Variants in TMEM135 observed in about 807,000 individuals in gnomAD.
TMEM135 encodes peroxisomal membrane protein 52.
A neutral mutation model predicts 60.3 loss-of-function variants in TMEM135; 30 were observed. The observed-to-expected ratio is 0.50, with a 90% CI of 0.37 to 0.68. The LOEUF (loss-of-function observed/expected upper bound fraction) is 0.68. Ranked by LOEUF, TMEM135 falls within the 30% of genes least tolerant of loss-of-function variation. The pLI, the probability that TMEM135 is intolerant of heterozygous loss-of-function variation, is 0.00. For missense variants in TMEM135, 468 were observed against 548.8 expected (o/e 0.85, Z 1.47); for synonymous variants, 190 against 186.7 (o/e 1.02, Z -0.14).
intron 1 of TMEM135, among the ~76,000 whole-genome samples, chr11:87,059,636 C>A (rs1949927143): frequency 6.6e-6 from 1 of 152,092 alleles, no homozygotes; most frequent in Non-Finnish European, 1.5e-5. Context: ...ACTCTGATTA[C>A]CAGAGAGGAA....
At chr11:87,259,643 CCAT>C (rs1254133282) in intron 6 of TMEM135, among the ~76,000 whole-genome samples, 1 of 152,150 alleles carries the variant, frequency 6.6e-6, no homozygotes, top group African/African-American at 2.4e-5. Flanking sequence ...AGAAAGTACA[CCAT>C]CGATATACAA....
intron 1 of TMEM135, among the ~76,000 whole-genome samples, chr11:87,061,125 C>G (rs1370363628): frequency 6.6e-6 from 1 of 152,004 alleles, no homozygotes; most frequent in East Asian, 1.9e-4. Context: ...TAGGATGGTG[C>G]CTGGCACAAG....
chr11:87,210,146 A>G lies in TMEM135; in HGVS notation c.463-26492A>G, dbSNP rs498407. ...AGAGCACACCAACCCCAAAGCTAGCAGAAGAAAATAACCTAAATTAGAGCT... is the reference window on the plus strand; with the variant it reads ...AGAGCACACCAACCCCAAAGCTAGCGGAAGAAAATAACCTAAATTAGAGCT... On this transcript the variant is annotated intron_variant, in intron 5 of 14. Coordinates refer to ENST00000305494, the MANE Select transcript of TMEM135 (RefSeq NM_022918.4). Among the ~76,000 whole-genome samples, 495 of 152,264 alleles carry G rather than the reference A, an allele frequency of 3.3e-3. 6 individuals are homozygous for G. The East Asian group carries it at 0.033, about 10-fold the overall frequency.
At chr11:87,176,660 A>C (rs1939377059) in intron 5 of TMEM135, among the ~76,000 whole-genome samples, 2 of 152,122 alleles carry the variant, frequency 1.3e-5, no homozygotes, top group South Asian at 4.1e-4. Context: ...CATGGGAAAG[A>C]TTGTTAAGGT....
At chr11:87,304,856 A>AAG (rs1455153642) in intron 8 of TMEM135, among the ~76,000 whole-genome samples, 1 of 152,044 alleles carries the variant, frequency 6.6e-6, no homozygotes. Context: ...TGAACCCTCA[A>AAG]AGAGAGAGAG....
chr11:87,227,959 T>C (rs1239279996), intron 5 of TMEM135, among the ~76,000 whole-genome samples: 2 of 152,198 alleles, frequency 1.3e-5, no homozygotes, highest in Non-Finnish European at 2.9e-5. Context: ...TCTACGTATG[T>C]GGTTCTAAAA....
chr11:87,105,289 C>A (rs1230625075), intron 4 of TMEM135, among the ~76,000 whole-genome samples: 1 of 152,184 alleles, frequency 6.6e-6, no homozygotes, highest in Admixed American at 6.5e-5. Context: ...AGCATTATTG[C>A]TTGAGCTCTG....
At chr11:87,122,786 C>T (rs746474328) in intron 4 of TMEM135, among the ~76,000 whole-genome samples, 4 of 152,174 alleles carry the variant, frequency 2.6e-5, no homozygotes, top group Non-Finnish European at 2.9e-5. Context: ...TAAATCTATC[C>T]GGCTATTACT....
chr11:87,259,596 C>T (rs1460964588), intron 6 of TMEM135, among the ~76,000 whole-genome samples: 1 of 152,142 alleles, frequency 6.6e-6, no homozygotes, highest in African/African-American at 2.4e-5. Flanking sequence ...GCTTATTTTT[C>T]ATGTTGTATA....
chr11:87,189,532 C>T (rs1011856122), intron 5 of TMEM135, among the ~76,000 whole-genome samples: 1 of 152,086 alleles, frequency 6.6e-6, no homozygotes, highest in Admixed American at 6.6e-5. Context: ...AGAATATCTT[C>T]TCATGGGTGG....
In TMEM135 at chr11:87,168,953, C is replaced by G. The variant is rs528772440; in HGVS notation, c.462+11547C>G. Among the ~76,000 whole-genome samples the G allele has an allele frequency of 2.6e-4, 40 of 152,134 alleles. No individual in the cohort carries two copies. In the South Asian group the frequency reaches 6.4e-3, roughly 25 times the overall value. ...GGAGTCTAAGTCTCTTTGTAGGTCT[C>G]TAAGGACTTGCTTTATGAATCTGGG... is the stretch of plus-strand genomic sequence containing the variant. On this transcript the variant is annotated intron_variant, in intron 5 of 14. Coordinates refer to ENST00000305494, the MANE Select transcript of TMEM135 (RefSeq NM_022918.4).
intron 1 of TMEM135, among the ~76,000 whole-genome samples, chr11:87,059,165 G>T (rs1203930753): frequency 6.6e-6 from 1 of 151,836 alleles, no homozygotes; most frequent in African/African-American, 2.4e-5. Context: ...TTGAACTCCT[G>T]ACCTCAGGCG....
At chr11:87,089,547 A>T (rs1047490168) in intron 3 of TMEM135, among the ~76,000 whole-genome samples, 2 of 150,086 alleles carry the variant, frequency 1.3e-5, no homozygotes, top group Non-Finnish European at 1.5e-5. Context: ...TGTCTCAAAA[A>T]GAAAAAGAAA....
intron 6 of TMEM135, among the ~76,000 whole-genome samples, chr11:87,238,965 A>G (rs894174721): frequency 6.6e-6 from 1 of 152,050 alleles, no homozygotes; most frequent in Admixed American, 6.6e-5. Flanking sequence ...CTTAGTCATC[A>G]GAAGTTTTTG....
At chr11:87,237,085 C>A (rs1382447556) in intron 6 of TMEM135, among the ~76,000 whole-genome samples, 1 of 151,936 alleles carries the variant, frequency 6.6e-6, no homozygotes, top group Non-Finnish European at 1.5e-5. Flanking sequence ...AGATCTCTAT[C>A]TAAGCCTTCT....
chr11:87,241,300 A>G (rs529831), intron 6 of TMEM135, among the ~76,000 whole-genome samples: 100,107 of 151,874 alleles, frequency 0.66, 33,569 homozygotes, highest in Non-Finnish European at 0.71. Context: ...CCATTTACTG[A>G]TTTTTAAGTG....
At chr11:87,254,352 G>A (rs1941480787) in intron 6 of TMEM135, among the ~76,000 whole-genome samples, 2 of 152,056 alleles carry the variant, frequency 1.3e-5, no homozygotes, top group Admixed American at 1.3e-4. Flanking sequence ...AGATTCCATG[G>A]TAGAATAGAA....
At position 87,038,104 on chromosome 11, in the gene TMEM135, A is replaced by G. The variant is rs2135097869; in HGVS notation, c.59A>G (p.His20Arg). Residue 20 changes from histidine to arginine, a missense_variant, in exon 1 of 15, where the codon CAC becomes CGC. His to Arg is a conservative substitution (Grantham distance 29). Transcript: ENST00000305494. ...TGCTATGAGATCGGCCACACTTGGC[A>G]CCCTTCCTGCCGGGTCTCCTTCCTG... Reference protein sequence around the residue: ...HNCYEIGHTWHPSCRVSFLQI... With the variant: ...HNCYEIGHTWRPSCRVSFLQI... 1.2e-6 allele frequency: 2 copies of G among 1,613,706 alleles called. No homozygotes were observed. Among genetic ancestry groups the G allele is most frequent in the Non-Finnish European group, 1.7e-6 (2 of 1,179,916 alleles).
intron 4 of TMEM135, among the ~76,000 whole-genome samples, chr11:87,107,879 CA>C (rs1857639260): frequency 6.6e-6 from 1 of 152,158 alleles, no homozygotes; most frequent in African/African-American, 2.4e-5. Context: ...GTCCCACCAA[CA>C]GTGTAAAAGT....
Sources: allele counts gnomAD v4.1 joint callset (sites outside exome capture counted in the v4.1 genomes callset), GRCh38; gene constraint gnomAD v4.1.1; transcripts MANE v1.5; gene names NCBI Gene and HGNC (gene_info 2026-07-23, HGNC 2026-07-21).